Variants in DCC observed in about 807,000 individuals in gnomAD.
DCC encodes DCC netrin 1 receptor, also known as netrin receptor DCC.
In DCC, 58 loss-of-function variants were observed where a neutral mutation model predicts 172.5. The ratio of observed to expected loss-of-function variants is 0.34; its 90% CI spans 0.27 to 0.42. The LOEUF is 0.42. Among genes scored for constraint, DCC ranks in the 10% least tolerant of loss-of-function variants. The pLI is 1.00. For synonymous variants in DCC, 709 were observed against 644.5 expected (o/e 1.10, Z -1.52); for missense variants, 1,740 against 1,791.0 (o/e 0.97, Z 0.51).
chr18:52,881,504 A>T (rs964053737), intron 2 of DCC, among the ~76,000 whole-genome samples: 16 of 152,124 alleles, frequency 1.1e-4, no homozygotes, highest in Non-Finnish European at 1.9e-4. Flanking sequence ...TAAGTCTTTA[A>T]TCCATTTTGA....
intron 22 of DCC, among the ~76,000 whole-genome samples, chr18:53,436,613 C>G (rs1911957938): frequency 6.6e-6 from 1 of 152,156 alleles, no homozygotes; most frequent in Non-Finnish European, 1.5e-5. Context: ...TATCTCTCCT[C>G]TGGCCAATGG....
intron 1 of DCC, among the ~76,000 whole-genome samples, chr18:52,667,988 C>T (rs761821007): frequency 6.6e-6 from 1 of 151,752 alleles, no homozygotes; most frequent in Non-Finnish European, 1.5e-5. Context: ...TGAGGGGCGT[C>T]TTTTTAACCC....
rs1343884860 is a variant in DCC, at chr18:53,524,272, AAAAT to A, written c.4112-2338_4112-2335del. The stretch of plus-strand genomic sequence containing the variant: ...ATATACTGTTTTTCCTTGTTGATTA[AAAAT>A]AAATAAGTTGTTGAATACATGAAAA... On this transcript the variant is annotated intron_variant, in intron 27 of 28. Coordinates refer to ENST00000442544, the MANE Select transcript of DCC (RefSeq NM_005215.4). 3.3e-5 allele frequency among the ~76,000 whole-genome samples: 5 copies of A among 152,142 alleles called. No homozygotes were observed. The East Asian group carries it at 9.7e-4, about 30-fold the overall frequency.
chr18:53,259,045 T>C (rs1431081201), intron 12 of DCC, among the ~76,000 whole-genome samples: 3 of 152,182 alleles, frequency 2.0e-5, no homozygotes, highest in Non-Finnish European at 4.4e-5. Context: ...TGCCTTTTTT[T>C]TGTTTTCCAT....
intron 2 of DCC, among the ~76,000 whole-genome samples, chr18:52,772,312 T>C (rs74668055): frequency 6.7e-4 from 102 of 152,318 alleles, no homozygotes; most frequent in African/African-American, 2.3e-3. Flanking sequence ...AAGAGAATAA[T>C]AGCGAGAGGT....
intron 2 of DCC, among the ~76,000 whole-genome samples, chr18:52,770,311 A>C (rs995642724): frequency 9.2e-5 from 14 of 152,114 alleles, no homozygotes; most frequent in Non-Finnish European, 1.9e-4. Context: ...TCCTAAACGC[A>C]GCTGCCTTTG....
intron 1 of DCC, among the ~76,000 whole-genome samples, chr18:52,662,307 A>G (rs2035373962): frequency 6.6e-6 from 1 of 152,170 alleles, no homozygotes; most frequent in South Asian, 2.1e-4. Context: ...GCATTTCTTG[A>G]TAGACAAAAC....
At chr18:53,033,695 T>C (rs761751763) in intron 5 of DCC, among the ~76,000 whole-genome samples, 5 of 152,094 alleles carry the variant, frequency 3.3e-5, no homozygotes, top group Admixed American at 6.6e-5. Flanking sequence ...CATACAAATA[T>C]GCCATAATAC....
chr18:52,743,474 T>C (rs2036856313), intron 1 of DCC, among the ~76,000 whole-genome samples: 1 of 152,182 alleles, frequency 6.6e-6, no homozygotes, highest in Non-Finnish European at 1.5e-5. Context: ...AAAAATTTCA[T>C]TACAATTTTC....
intron 1 of DCC, among the ~76,000 whole-genome samples, chr18:52,592,499 A>T (rs545359986): frequency 5.9e-5 from 9 of 152,334 alleles, no homozygotes; most frequent in African/African-American, 1.9e-4. Context: ...GGCTCACTCT[A>T]ATAACTCCTT....
At chr18:53,245,869 G>A (rs2056359136) in intron 12 of DCC, among the ~76,000 whole-genome samples, 1 of 152,024 alleles carries the variant, frequency 6.6e-6, no homozygotes, top group African/African-American at 2.4e-5. Context: ...GGCTTTCGTA[G>A]TTTAGTTTAT....
At chr18:52,423,754 T>A (rs1032140937) in intron 1 of DCC, among the ~76,000 whole-genome samples, 4 of 152,238 alleles carry the variant, frequency 2.6e-5, no homozygotes, top group African/African-American at 9.6e-5. Flanking sequence ...AGAAATATAA[T>A]GCACAGGAGG....
chr18:53,368,919 T>C (rs1469422855), intron 15 of DCC, among the ~76,000 whole-genome samples: 1 of 151,980 alleles, frequency 6.6e-6, no homozygotes, highest in Non-Finnish European at 1.5e-5. Context: ...TTTGGCTATT[T>C]GGACTCCTTT....
intron 12 of DCC, among the ~76,000 whole-genome samples, chr18:53,290,632 G>A (rs1351937804): frequency 1.3e-5 from 2 of 151,996 alleles, no homozygotes; most frequent in Middle Eastern, 3.4e-3. Flanking sequence ...AGCCACTTCT[G>A]TGGTTTCATA....
intron 1 of DCC, among the ~76,000 whole-genome samples, chr18:52,395,466 C>T (rs972027593): frequency 6.6e-6 from 1 of 151,896 alleles, no homozygotes. Context: ...GATGAAGAGA[C>T]TTTTAAACAG....
intron 1 of DCC, among the ~76,000 whole-genome samples, chr18:52,611,517 C>G (rs2034277130): frequency 6.6e-6 from 1 of 152,140 alleles, no homozygotes; most frequent in Non-Finnish European, 1.5e-5. Context: ...GTAAAATGTC[C>G]TGACTGGCTG....
chr18:53,333,723 T>G (rs2057558984), intron 14 of DCC, among the ~76,000 whole-genome samples: 2 of 151,238 alleles, frequency 1.3e-5, no homozygotes, highest in African/African-American at 2.4e-5. Context: ...CCTTGGGGGG[T>G]TTTGAGCAGA....
chr18:52,406,506 A>G (rs907341512), intron 1 of DCC, among the ~76,000 whole-genome samples: 1 of 152,126 alleles, frequency 6.6e-6, no homozygotes, highest in African/African-American at 2.4e-5. Context: ...GAGTAGGCCT[A>G]CTAAGCCTAT....
At chr18:52,701,408 A>G (rs1450400017) in intron 1 of DCC, among the ~76,000 whole-genome samples, 5 of 152,334 alleles carry the variant, frequency 3.3e-5, no homozygotes, top group South Asian at 4.1e-4. Flanking sequence ...ACACAGAAAT[A>G]CAGACAAGCT....
Sources: allele counts gnomAD v4.1 joint callset (sites outside exome capture counted in the v4.1 genomes callset), GRCh38; gene constraint gnomAD v4.1.1; transcripts MANE v1.5; gene names NCBI Gene and HGNC (gene_info 2026-07-23, HGNC 2026-07-21).